The following GRID2 variants were observed in gnomAD, a reference collection of about 807,000 sequenced individuals.
The protein encoded by GRID2 is glutamate ionotropic receptor delta type subunit 2.
Under a neutral mutation model 114.8 loss-of-function variants are expected in GRID2, and 33 were observed. That is an observed-to-expected ratio of 0.29 (90% CI 0.22 to 0.38). The LOEUF is 0.38. Among genes scored for constraint, GRID2 ranks in the 10% least tolerant of loss-of-function variants. The pLI, the probability that GRID2 is intolerant of heterozygous loss-of-function variation, is 1.00. For synonymous variants in GRID2, 505 were observed against 449.9 expected (o/e 1.12, Z -1.55); for missense variants, 1,184 against 1,257.7 (o/e 0.94, Z 0.89).
intron 2 of GRID2, among the ~76,000 whole-genome samples, chr4:92,882,492 G>C (rs948608679): frequency 2.6e-5 from 4 of 151,888 alleles, no homozygotes; most frequent in African/African-American, 9.7e-5. Flanking sequence ...ATAGTCAGTG[G>C]CTCTCTCATT....
intron 2 of GRID2, among the ~76,000 whole-genome samples, chr4:92,969,434 A>G (rs538567536): frequency 1.3e-5 from 2 of 151,570 alleles, no homozygotes; most frequent in Non-Finnish European, 2.9e-5. Flanking sequence ...TACAATTAAG[A>G]GAATGTTTTG....
At chr4:93,351,803 G>C (rs1560528930) in intron 8 of GRID2, among the ~76,000 whole-genome samples, 1 of 152,034 alleles carries the variant, frequency 6.6e-6, no homozygotes, top group Non-Finnish European at 1.5e-5. Flanking sequence ...ATAAGGATTA[G>C]AGCCAGATTT....
chr4:93,571,993 T>A (rs894609920), intron 13 of GRID2, among the ~76,000 whole-genome samples: 2 of 152,140 alleles, frequency 1.3e-5, no homozygotes, highest in African/African-American at 2.4e-5. Flanking sequence ...AAAGGTTTTT[T>A]AAAGCTAATT....
chr4:93,209,368 C>T (rs1055039909), intron 5 of GRID2, among the ~76,000 whole-genome samples: 4 of 151,996 alleles, frequency 2.6e-5, no homozygotes, highest in African/African-American at 9.7e-5. Context: ...TCTGTTTCTG[C>T]GTTAGTTCGC....
At chr4:93,618,360 T>C (rs1449622068) in intron 13 of GRID2, among the ~76,000 whole-genome samples, 1 of 152,230 alleles carries the variant, frequency 6.6e-6, no homozygotes, top group African/African-American at 2.4e-5. Flanking sequence ...ACATGGATTA[T>C]TCTTTTTCTT....
At chr4:92,553,657 C>CT (rs949935536) in intron 1 of GRID2, among the ~76,000 whole-genome samples, 9 of 151,408 alleles carry the variant, frequency 5.9e-5, no homozygotes, top group South Asian at 2.1e-4. Context: ...ATTAACTTTT[C>CT]TTTTTTTTTA....
intron 4 of GRID2, among the ~76,000 whole-genome samples, chr4:93,118,679 A>G (rs979901180): frequency 1.3e-5 from 2 of 152,192 alleles, no homozygotes; most frequent in African/African-American, 2.4e-5. Flanking sequence ...GAATTTATTG[A>G]AAACGGCTTA....
chr4:92,595,745 G>C (rs934076532), intron 2 of GRID2, among the ~76,000 whole-genome samples: 1 of 151,990 alleles, frequency 6.6e-6, no homozygotes, highest in African/African-American at 2.4e-5. Flanking sequence ...TTTCATGTGT[G>C]TAAATGGGAT....
At chr4:92,653,601 A>C (rs184246560) in intron 2 of GRID2, among the ~76,000 whole-genome samples, 2 of 152,000 alleles carry the variant, frequency 1.3e-5, no homozygotes, top group South Asian at 4.1e-4. Flanking sequence ...TATCAAATAT[A>C]TTTTGGTAAA....
At chr4:93,350,965 G>A (rs1760739625) in intron 8 of GRID2, among the ~76,000 whole-genome samples, 1 of 152,038 alleles carries the variant, frequency 6.6e-6, no homozygotes. Flanking sequence ...GAGAAGCAAA[G>A]GCACATCTTA....
chr4:93,565,549 TAAAAG>T (rs140625626), intron 13 of GRID2, among the ~76,000 whole-genome samples: 1,602 of 152,168 alleles, frequency 0.011, 34 homozygotes, highest in African/African-American at 0.036. Flanking sequence ...TATTAAAAAA[TAAAAG>T]AAAATACATT....
intron 13 of GRID2, among the ~76,000 whole-genome samples, chr4:93,526,297 C>T (rs1730891508): frequency 6.6e-6 from 1 of 152,162 alleles, no homozygotes; most frequent in Admixed American, 6.5e-5. Context: ...TCACCTTCCA[C>T]CATGATTGTA....
intron 13 of GRID2, among the ~76,000 whole-genome samples, chr4:93,517,950 T>G: frequency 2.9e-5 from 1 of 34,846 alleles, no homozygotes; most frequent in African/African-American, 1.3e-4. Flanking sequence ...TATACATACA[T>G]GTATATGTAT....
intron 13 of GRID2, among the ~76,000 whole-genome samples, chr4:93,515,993 G>T (rs1250849389): frequency 6.6e-6 from 1 of 151,974 alleles, no homozygotes; most frequent in Non-Finnish European, 1.5e-5. Flanking sequence ...AAATCTTAAG[G>T]CTATTTTTAC....
chr4:92,751,807 A>G (rs1737467147), intron 2 of GRID2, among the ~76,000 whole-genome samples: 1 of 152,220 alleles, frequency 6.6e-6, no homozygotes, highest in Admixed American at 6.5e-5. Context: ...GGCAAAAAAT[A>G]TGCACAACTC....
In GRID2 at chr4:92,652,881, AATATATTTATAAATACATATAAAT is replaced by A. The variant is rs879637494; in HGVS notation, c.244+62626_244+62649del. ...ATATAAATACATATAAATATATAAA[AATATATTTATAAATACATATAAAT>A]ATATATTTATAAATACATATAAATA... On this transcript the variant is annotated intron_variant, in intron 2 of 15. Coordinates refer to ENST00000282020, the MANE Select transcript of GRID2 (RefSeq NM_001510.4). Among the ~76,000 whole-genome samples, 55 of 121,346 alleles carry A rather than the reference AATATATTTATAAATACATATAAAT, an allele frequency of 4.5e-4. 4 individuals are homozygous for A. The highest frequency in any genetic ancestry group is 2.5e-3 in the South Asian group (9 of 3,594). The allele number at this position is 121,346 out of a possible 152,430, so 79.6% of individuals were successfully genotyped here. A position where few individuals can be genotyped will look rare whatever the true frequency, so the allele number is the denominator to read the frequency against.
At chr4:93,373,487 T>G (rs1183484517) in intron 8 of GRID2, among the ~76,000 whole-genome samples, 2 of 152,308 alleles carry the variant, frequency 1.3e-5, no homozygotes, top group African/African-American at 4.8e-5. Context: ...TCTTATTTAT[T>G]GCCTCTCCAA....
chr4:92,455,224 C>T (rs1428342728), intron 1 of GRID2, among the ~76,000 whole-genome samples: 3 of 152,102 alleles, frequency 2.0e-5, no homozygotes, highest in Admixed American at 2.0e-4. Flanking sequence ...TGTTTTAATG[C>T]ATCTATTGAG....
intron 2 of GRID2, among the ~76,000 whole-genome samples, chr4:92,670,170 C>G (rs1017534217): frequency 2.6e-5 from 4 of 152,074 alleles, no homozygotes; most frequent in Admixed American, 6.6e-5. Context: ...TTTGATTAAT[C>G]TATAATCTAC....
Sources: gnomAD v4.1 joint callset for allele counts (sites outside exome capture counted in the v4.1 genomes callset) on GRCh38, gnomAD v4.1.1 for gene constraint, MANE v1.5 for transcripts, NCBI Gene and HGNC (gene_info 2026-07-23, HGNC 2026-07-21) for gene names.